SPAST: variants seen among roughly 807,000 people sequenced by gnomAD.
SPAST encodes the protein spastin, also known as spastic paraplegia 4 (autosomal dominant; spastin).
In SPAST, 30 loss-of-function variants were observed where a neutral mutation model predicts 76.6. The observed-to-expected ratio is 0.39, with a 90% CI of 0.29 to 0.53. The LOEUF (loss-of-function observed/expected upper bound fraction) is 0.53. Ranked by LOEUF, SPAST falls within the 20% of genes least tolerant of loss-of-function variation. The probability of loss-of-function intolerance (pLI) is 0.68; values close to 1 mark genes in which losing one functional copy is unlikely to be tolerated. For synonymous variants in SPAST, 305 were observed against 281.0 expected (o/e 1.09, Z -0.86); for missense variants, 717 against 770.5 (o/e 0.93, Z 0.82).
intron 15 of SPAST, among the ~76,000 whole-genome samples, chr2:32,146,413 T>A (rs1679886818): frequency 1.3e-5 from 2 of 151,500 alleles, no homozygotes; most frequent in South Asian, 4.2e-4. Context: ...TATAATAAAT[T>A]AACCAGGCCC....
chr2:32,083,772 ATATAT>A (rs1677358059), intron 1 of SPAST, among the ~76,000 whole-genome samples: 5 of 51,140 alleles, frequency 9.8e-5, no homozygotes, highest in African/African-American at 2.9e-4. Context: ...ATATATATAT[ATATAT>A]TTTTTTTTTT....
chr2:32,080,962 T>C (rs1677198102), intron 1 of SPAST, among the ~76,000 whole-genome samples: 1 of 144,670 alleles, frequency 6.9e-6, no homozygotes, highest in African/African-American at 2.5e-5. Context: ...ATCTGGCTAA[T>C]TTTTTTTTTT....
In SPAST at chr2:32,111,365, C is replaced by CAGTATACTGTATAGTGTGTATAGA. The variant is rs1558320877; in HGVS notation, c.683-3273_683-3272insAGTATACTGTATAGTGTGTATAGA. Among the ~76,000 whole-genome samples the CAGTATACTGTATAGTGTGTATAGA allele has an allele frequency of 8.1e-5, 10 of 123,810 alleles. 1 individual carries two copies. The highest frequency in any genetic ancestry group is 1.7e-4 in the Admixed American group (2 of 12,000). The allele number at this position is 123,810 out of a possible 152,430, so 81.2% of individuals were successfully genotyped here. On this transcript the variant is annotated intron_variant, in intron 4 of 16. Transcript: ENST00000315285. ...ACAGTATACTGTATAGTGTGTATAG[C>CAGTATACTGTATAGTGTGTATAGA]GTATATATAGTATACTGTATAGCGT...
At chr2:32,071,181 G>A (rs183894622) in intron 1 of SPAST, among the ~76,000 whole-genome samples, 101 of 152,270 alleles carry the variant, frequency 6.6e-4, no homozygotes, top group African/African-American at 2.3e-3. Flanking sequence ...TCTAGGTGAC[G>A]TTTGATTTCT....
chr2:32,074,902 G>A (rs1475195822), intron 1 of SPAST, among the ~76,000 whole-genome samples: 1 of 152,106 alleles, frequency 6.6e-6, no homozygotes, highest in Non-Finnish European at 1.5e-5. Flanking sequence ...AGGATCTTGG[G>A]CAAGTTACTT....
At chr2:32,108,418 C>G (rs180822644) in intron 4 of SPAST, among the ~76,000 whole-genome samples, 19 of 152,212 alleles carry the variant, frequency 1.2e-4, no homozygotes, top group Non-Finnish European at 2.8e-4. Context: ...TATTTTTTCT[C>G]TTACTTTCTG....
chr2:32,152,754 GT>G (rs1035897540), intron 16 of SPAST, among the ~76,000 whole-genome samples: 78 of 143,610 alleles, frequency 5.4e-4, no homozygotes, highest in South Asian at 6.7e-4. Flanking sequence ...GGTTTTTGGG[GT>G]TTTTTTTTTT....
At position 32,098,762 on chromosome 2, in the gene SPAST, A is replaced by T. The variant is rs762320639; in HGVS notation, c.587-34A>T. 23 of 1,380,112 alleles carry T rather than the reference A, an allele frequency of 1.7e-5. No individual in the cohort carries two copies. The Admixed American group carries it at 3.9e-4, about 23-fold the overall frequency. 85.5% of individuals were successfully genotyped at this position (1,380,112 alleles called of 1,614,324 possible). A position where few individuals can be genotyped will look rare whatever the true frequency, so the allele number is the denominator to read the frequency against. On this transcript the variant is annotated intron_variant, in intron 3 of 16. Coordinates refer to ENST00000315285, the MANE Select transcript of SPAST (RefSeq NM_014946.4). The stretch of plus-strand genomic sequence containing the variant: ...TTCATTATCTTTTTTCTTTTTGTTT[A>T]TTTTTTCTGTTTTTTACCTTCTCTG...
chr2:32,138,251 G>A (rs191037740), intron 12 of SPAST, among the ~76,000 whole-genome samples: 2 of 152,270 alleles, frequency 1.3e-5, no homozygotes, highest in East Asian at 3.9e-4. Context: ...TTTCTACAAT[G>A]ACTGAACTTT....
chr2:32,153,155 G>A (rs1488364862), intron 16 of SPAST, among the ~76,000 whole-genome samples: 5 of 152,064 alleles, frequency 3.3e-5, no homozygotes, highest in Non-Finnish European at 7.4e-5. Flanking sequence ...ATGATATGAA[G>A]TTAGATTGGG....
intron 4 of SPAST, among the ~76,000 whole-genome samples, chr2:32,102,155 C>T (rs1383538330): frequency 5.3e-5 from 8 of 152,122 alleles, no homozygotes; most frequent in Non-Finnish European, 1.0e-4. Flanking sequence ...TTTCATTGAG[C>T]AGTGGTTTGT....
rs1292382116 is a variant in SPAST, at chr2:32,116,174, T to C, written c.1060T>C (p.Leu354=). The C allele has an allele frequency of 1.9e-6, 3 of 1,613,488 alleles. No individual in the cohort carries two copies. Among genetic ancestry groups the C allele is most frequent in the South Asian group, 2.2e-5 (2 of 91,078 alleles). ...IAGQDLAKQA[L]QEIVILPSLR... is the part of the protein sequence containing the mutation. Reference sequence around the variant, plus strand: ...TGGTCAAGACTTGGCAAAACAAGCATTGCAAGAAATTGTTATTCTTCCTTC... The same window carrying C: ...TGGTCAAGACTTGGCAAAACAAGCACTGCAAGAAATTGTTATTCTTCCTTC... Residue 354 remains leucine, a synonymous_variant, in exon 7 of 17, where the codon TTG becomes CTG. Coordinates refer to ENST00000315285, the MANE Select transcript of SPAST (RefSeq NM_014946.4).
intron 1 of SPAST, among the ~76,000 whole-genome samples, chr2:32,070,457 G>C (rs372627857): frequency 6.6e-6 from 1 of 152,150 alleles, no homozygotes; most frequent in Non-Finnish European, 1.5e-5. Flanking sequence ...AGCAAATTCT[G>C]TTGACTTAAT....
In SPAST at chr2:32,130,990, G is replaced by A. The variant is rs531555386; in HGVS notation, c.1245+2511G>A. On this transcript the variant is annotated intron_variant, in intron 9 of 16. Coordinates refer to ENST00000315285, the MANE Select transcript of SPAST (RefSeq NM_014946.4). ...ACTTATTTGTAAGGTTGTATAATGA[G>A]CAGTGAGTTAAAGCAAACTTGACAT... Among the ~76,000 whole-genome samples the A allele has an allele frequency of 2.6e-5, 4 of 152,292 alleles. No homozygotes were observed. The South Asian group carries it at 6.2e-4, about 24-fold the overall frequency.
In SPAST at chr2:32,154,448, A is replaced by G. The variant is rs538816866; in HGVS notation, c.1803A>G (p.Leu601=). Residue 601 remains leucine (L), a synonymous_variant, in exon 17 of 17, where the codon TTA becomes TTG. Coordinates refer to ENST00000315285, the MANE Select transcript of SPAST (RefSeq NM_014946.4). ...AACGCAGCGTCAGCCCTCAAACTTT[A>G]GAAGCGTACATACGTTGGAACAAGG... ...KIKRSVSPQT[L]EAYIRWNKDF... is the part of the protein sequence containing the mutation. The G allele has an allele frequency of 3.7e-6, 6 of 1,613,684 alleles. No individual in the cohort carries two copies. Among genetic ancestry groups the G allele is most frequent in the South Asian group, 2.2e-5 (2 of 91,080 alleles).
chr2:32,083,163 G>T (rs1206702957), intron 1 of SPAST, among the ~76,000 whole-genome samples: 1 of 151,972 alleles, frequency 6.6e-6, no homozygotes, highest in African/African-American at 2.4e-5. Context: ...GTAGAGATGG[G>T]ATTTCACCAT....
chr2:32,081,791 A>AAAAAAAG lies in SPAST; in HGVS notation c.416-5695_416-5694insGAAAAAA, dbSNP rs1677238821. 4.1e-5 allele frequency among the ~76,000 whole-genome samples: 6 copies of AAAAAAAG among 146,528 alleles called. No homozygotes were observed. The South Asian group carries it at 1.4e-3, about 34-fold the overall frequency. On this transcript the variant is annotated intron_variant, in intron 1 of 16. Transcript: ENST00000315285. ...AGAGTGAGACACTGTCAAAAAAAAA[A>AAAAAAAG]AAAAAAAAAAAAAGGAAAGAAAAGT... is the stretch of plus-strand genomic sequence containing the variant.
At chr2:32,109,903 T>A (rs1678472333) in intron 4 of SPAST, among the ~76,000 whole-genome samples, 1 of 148,692 alleles carries the variant, frequency 6.7e-6, no homozygotes, top group Admixed American at 6.8e-5. Context: ...TGTATATGCA[T>A]ACACATATAT....
chr2:32,065,495 A>G (rs1676474285), intron 1 of SPAST, among the ~76,000 whole-genome samples: 1 of 152,216 alleles, frequency 6.6e-6, no homozygotes, highest in African/African-American at 2.4e-5. Context: ...AGAGATGAAG[A>G]AAATGAGGCC....
Sources: allele counts gnomAD v4.1 joint callset (sites outside exome capture counted in the v4.1 genomes callset), GRCh38; gene constraint gnomAD v4.1.1; transcripts MANE v1.5; gene names NCBI Gene and HGNC (gene_info 2026-07-23, HGNC 2026-07-21).